The following LIMS1 variants were observed in gnomAD, a reference collection of about 807,000 sequenced individuals.
LIMS1 encodes the protein LIM zinc finger domain containing 1.
A neutral mutation model predicts 44.1 loss-of-function variants in LIMS1; 18 were observed. That is an observed-to-expected ratio of 0.41 (90% CI 0.28 to 0.61). The LOEUF (loss-of-function observed/expected upper bound fraction) is 0.61, where lower values mean the gene tolerates loss of function less well. Among genes scored for constraint, LIMS1 ranks in the 20% least tolerant of loss-of-function variants. The pLI is 0.32. For synonymous variants in LIMS1, 93 were observed against 149.1 expected (o/e 0.62, Z 2.74); for missense variants, 201 against 422.0 (o/e 0.48, Z 4.59).
chr2:108,680,267 T>C lies in LIMS1; in HGVS notation c.824-428T>C, dbSNP rs200047566. Among the ~76,000 whole-genome samples the C allele has an allele frequency of 5.4e-5, 8 of 147,500 alleles. No individual in the cohort carries two copies. The East Asian group carries it at 1.2e-3, about 22-fold the overall frequency. On this transcript the variant is annotated intron_variant, in intron 8 of 9. Coordinates refer to ENST00000544547, the Ensembl canonical transcript of LIMS1. ...CTGTAGTCCCAGCTACTTGGGAAAA[T>C]GAGGCAGGAGAATCGCTTGAACCCA...
At chr2:108,680,791 A>G (rs769268847) in intron 9 of LIMS1, 21 bp downstream of exon 9, 6 of 1,599,856 alleles carry the variant, frequency 3.8e-6, no homozygotes, top group African/African-American at 1.3e-5. Context: ...GGTTTTGTCC[A>G]GTGTGAATCC....
chr2:108,587,182 C>A (rs995661552), intron 1 of LIMS1, among the ~76,000 whole-genome samples: 2 of 152,084 alleles, frequency 1.3e-5, no homozygotes, highest in Non-Finnish European at 2.9e-5. Context: ...TAAATAGTCA[C>A]CTGCCAGGGT....
intron 1 of LIMS1, among the ~76,000 whole-genome samples, chr2:108,625,416 G>A (rs1688503969): frequency 6.6e-6 from 1 of 152,120 alleles, no homozygotes; most frequent in Admixed American, 6.5e-5. Flanking sequence ...GAAAACCTGG[G>A]CTGACCCCTG....
At chr2:108,596,918 T>TG (rs1215079631) in intron 1 of LIMS1, among the ~76,000 whole-genome samples, 4 of 54,996 alleles carry the variant, frequency 7.3e-5, no homozygotes, top group African/African-American at 9.7e-5. Context: ...AACATCTGTT[T>TG]TTTTTTTTTT....
chr2:108,664,669 C>T (rs1691622170), intron 2 of LIMS1, among the ~76,000 whole-genome samples: 1 of 152,152 alleles, frequency 6.6e-6, no homozygotes, highest in African/African-American at 2.4e-5. Context: ...GGATCAACTT[C>T]TGGCCTTTCT....
intron 1 of LIMS1, among the ~76,000 whole-genome samples, chr2:108,550,793 G>A (rs958360312): frequency 7.3e-5 from 11 of 150,896 alleles, no homozygotes; most frequent in African/African-American, 2.7e-4. Context: ...TCCAGCCTGG[G>A]CGGCAGAGAG....
chr2:108,623,906 C>T (rs1190476785), intron 1 of LIMS1, among the ~76,000 whole-genome samples: 7 of 152,344 alleles, frequency 4.6e-5, no homozygotes, highest in African/African-American at 1.4e-4. Flanking sequence ...ACGAGATGCA[C>T]GTGCTTAAAG....
At chr2:108,596,984 C>T (rs1686738022) in intron 1 of LIMS1, among the ~76,000 whole-genome samples, 1 of 127,520 alleles carries the variant, frequency 7.8e-6, no homozygotes, top group African/African-American at 3.0e-5. Context: ...TCTTGGCTCA[C>T]TGCAACTTCT....
chr2:108,656,313 C>CGA (rs1558831172), intron 1 of LIMS1, among the ~76,000 whole-genome samples: 115 of 77,170 alleles, frequency 1.5e-3, no homozygotes, highest in African/African-American at 4.0e-3. Flanking sequence ...ATCTATCTAT[C>CGA]TATCTATAGA....
intron 1 of LIMS1, among the ~76,000 whole-genome samples, chr2:108,634,551 T>C (rs1016525336): frequency 2.0e-5 from 3 of 152,232 alleles, no homozygotes; most frequent in African/African-American, 7.2e-5. Flanking sequence ...GCTTTCAGGC[T>C]CCTGAAGCTG....
chr2:108,610,020 G>C (rs956245481), intron 1 of LIMS1, among the ~76,000 whole-genome samples: 8 of 152,134 alleles, frequency 5.3e-5, no homozygotes, highest in African/African-American at 1.9e-4. Context: ...GCAGGCGCCT[G>C]TAGTCCCAGC....
intron 1 of LIMS1, among the ~76,000 whole-genome samples, chr2:108,627,409 T>G (rs1232607569): frequency 1.3e-5 from 2 of 150,966 alleles, no homozygotes; most frequent in African/African-American, 2.4e-5. Context: ...GGTTTTTTTT[T>G]TTTTTTTTTT....
At chr2:108,543,490 A>G (rs1684382721) in intron 1 of LIMS1, among the ~76,000 whole-genome samples, 1 of 152,200 alleles carries the variant, frequency 6.6e-6, no homozygotes, top group African/African-American at 2.4e-5. Context: ...AAAGCATGAG[A>G]AAATAACAAA....
At chr2:108,591,280 G>T (rs1326662801) in intron 1 of LIMS1, among the ~76,000 whole-genome samples, 1 of 152,154 alleles carries the variant, frequency 6.6e-6, no homozygotes, top group Non-Finnish European at 1.5e-5. Context: ...TGGTTTCCAT[G>T]GGTAATGCCA....
intron 1 of LIMS1, chr2:108,607,193 A>G: frequency 1.9e-6 from 3 of 1,550,786 alleles, no homozygotes; most frequent in Non-Finnish European, 2.6e-6. Context: ...ATCTATGAGC[A>G]TGGAGAGCTT....
At chr2:108,652,929 C>T (rs1325902305) in intron 1 of LIMS1, among the ~76,000 whole-genome samples, 1 of 151,958 alleles carries the variant, frequency 6.6e-6, no homozygotes, top group Admixed American at 6.6e-5. Context: ...AAAAAAAAAA[C>T]CTAAAAAATT....
chr2:108,551,679 T>C (rs1684720207), intron 1 of LIMS1, among the ~76,000 whole-genome samples: 1 of 146,302 alleles, frequency 6.8e-6, no homozygotes, highest in East Asian at 2.0e-4. Context: ...TATATACATA[T>C]ATACACTGTA....
chr2:108,680,654 A>ATGTATTTCCATGTGACCAGATCTCT (rs1447552367), intron 8 of LIMS1, 41 bp from the exon 9 acceptor site: 1 of 1,605,014 alleles, frequency 6.2e-7, no homozygotes, highest in African/African-American at 1.3e-5. Context: ...CCCCATACTG[A>ATGTATTTCCATGTGACCAGATCTCT]TGTATTTCCA....
At chr2:108,547,406 G>C (rs995215106) in intron 1 of LIMS1, among the ~76,000 whole-genome samples, 1 of 152,176 alleles carries the variant, frequency 6.6e-6, no homozygotes, top group African/African-American at 2.4e-5. Context: ...CTGGCTCCAA[G>C]AGGGTGGACA....
Sources: allele counts gnomAD v4.1 joint callset (sites outside exome capture counted in the v4.1 genomes callset), GRCh38; gene constraint gnomAD v4.1.1; transcripts MANE v1.5; gene names NCBI Gene and HGNC (gene_info 2026-07-23, HGNC 2026-07-21).